The following DTNA variants were observed in gnomAD, a reference collection of about 807,000 sequenced individuals.
DTNA encodes the protein dystrophin-related protein 3.
In DTNA, 43 loss-of-function variants were observed where a neutral mutation model predicts 100.7. The ratio of observed to expected loss-of-function variants is 0.43; its 90% CI spans 0.33 to 0.55. DTNA has a LOEUF of 0.55. Ranked by LOEUF, DTNA falls within the 20% of genes least tolerant of loss-of-function variation. The probability of loss-of-function intolerance (pLI) is 0.04; values close to 1 mark genes in which losing one functional copy is unlikely to be tolerated. For synonymous variants in DTNA, 349 were observed against 347.9 expected (o/e 1.00, Z -0.04); for missense variants, 798 against 953.9 (o/e 0.84, Z 2.15).
At chr18:34,773,838 G>A (rs1259607292) in intron 3 of DTNA, among the ~76,000 whole-genome samples, 3 of 152,124 alleles carry the variant, frequency 2.0e-5, no homozygotes, top group African/African-American at 4.8e-5. Context: ...ATTATGATAT[G>A]GGTTTAATTA....
chr18:34,796,441 C>T (rs533130644), intron 4 of DTNA, among the ~76,000 whole-genome samples: 2 of 152,308 alleles, frequency 1.3e-5, no homozygotes, highest in South Asian at 4.1e-4. Flanking sequence ...CACTTCCTAC[C>T]ACCTGTCCCA....
In DTNA at chr18:34,891,411, G is replaced by A. The variant is rs1361941053; in HGVS notation, c.*3677G>A. 6.6e-6 allele frequency: 1 copy of A among 152,348 alleles called. No homozygotes were observed. Among genetic ancestry groups the A allele is most frequent in the Non-Finnish European group, 1.5e-5 (1 of 67,986 alleles). The allele number at this position is 152,348 out of a possible 1,614,324, so 9.4% of individuals were successfully genotyped here. On this transcript the variant is annotated 3_prime_UTR_variant, in exon 23 of 23. Transcript: ENST00000444659. ...TGTTTTTAAAAACACTATATCTTGGGTGGTTTATTCCTTTGTTTCAGTGAA... is the reference window on the plus strand; with the variant it reads ...TGTTTTTAAAAACACTATATCTTGGATGGTTTATTCCTTTGTTTCAGTGAA...
chr18:34,827,698 A>G, intron 10 of DTNA, 22 bp downstream of exon 10: 1 of 1,607,732 alleles, frequency 6.2e-7, no homozygotes, highest in African/African-American at 1.3e-5. Flanking sequence ...CCCTATTATA[A>G]AATAAGCCCT....
At chr18:34,617,711 T>C (rs2055600813) in intron 1 of DTNA, among the ~76,000 whole-genome samples, 1 of 152,228 alleles carries the variant, frequency 6.6e-6, no homozygotes, top group African/African-American at 2.4e-5. Context: ...CTGGCTCTTC[T>C]TTACATGTCT....
In DTNA at chr18:34,889,650, C is replaced by T. The variant is rs1004415215; in HGVS notation, c.*1916C>T. The T allele has an allele frequency of 2.0e-6, 2 of 985,632 alleles. No individual in the cohort carries two copies. The highest frequency in any genetic ancestry group is 1.2e-6 in the Non-Finnish European group (1 of 829,986). The allele number at this position is 985,632 out of a possible 1,614,324, so 61.1% of individuals were successfully genotyped here. A position where few individuals can be genotyped will look rare whatever the true frequency, so the allele number is the denominator to read the frequency against. On this transcript the variant is annotated 3_prime_UTR_variant, in exon 23 of 23. Coordinates refer to ENST00000444659, the MANE Select transcript of DTNA (RefSeq NM_001386795.1). ...GTCTGCGTTTGGTCAGACATCATCT[C>T]CTTGGCTGCCCTTTGAAACCAAATC... is the stretch of plus-strand genomic sequence containing the variant.
chr18:34,867,394 A>G, intron 17 of DTNA: 9 of 1,228,736 alleles, frequency 7.3e-6, no homozygotes, highest in Non-Finnish European at 9.1e-6. Flanking sequence ...TTTTAACAGA[A>G]GACAGTCCCC....
intron 1 of DTNA, among the ~76,000 whole-genome samples, chr18:34,558,498 C>T (rs139306842): frequency 9.8e-4 from 149 of 152,128 alleles, no homozygotes; most frequent in African/African-American, 3.5e-3. Flanking sequence ...CAGCCATAAA[C>T]AAAAATACGT....
chr18:34,840,064 G>C (rs1474238740), intron 13 of DTNA, among the ~76,000 whole-genome samples: 1 of 152,102 alleles, frequency 6.6e-6, no homozygotes, highest in Non-Finnish European at 1.5e-5. Flanking sequence ...ATTAATACAT[G>C]AGATAATTTT....
intron 2 of DTNA, among the ~76,000 whole-genome samples, chr18:34,764,080 G>A (rs1343618866): frequency 6.6e-6 from 1 of 152,142 alleles, no homozygotes; most frequent in East Asian, 1.9e-4. Flanking sequence ...GATCAAATAG[G>A]TTGAAGTTAC....
intron 1 of DTNA, among the ~76,000 whole-genome samples, chr18:34,498,533 A>G (rs529456901): frequency 4.0e-5 from 6 of 151,682 alleles, no homozygotes; most frequent in South Asian, 2.1e-4. Flanking sequence ...AGACTTATCA[A>G]TAACTGATGC....
chr18:34,779,252 C>T (rs1039706733), intron 3 of DTNA, among the ~76,000 whole-genome samples: 11 of 152,192 alleles, frequency 7.2e-5, no homozygotes, highest in African/African-American at 2.2e-4. Flanking sequence ...ACATCCTCCA[C>T]AGTGTCTAGC....
intron 1 of DTNA, among the ~76,000 whole-genome samples, chr18:34,494,333 C>T (rs552643029): frequency 2.3e-4 from 25 of 110,682 alleles, no homozygotes; most frequent in African/African-American, 6.9e-4. Context: ...GGGCCGATGC[C>T]TGGGTGGGAG....
chr18:34,749,137 A>G (rs2092021892), intron 1 of DTNA, among the ~76,000 whole-genome samples: 1 of 152,170 alleles, frequency 6.6e-6, no homozygotes, highest in Non-Finnish European at 1.5e-5. Flanking sequence ...GTTGGTGTAT[A>G]TCAATGCTAC....
intron 1 of DTNA, among the ~76,000 whole-genome samples, chr18:34,662,123 G>C (rs966410232): frequency 1.3e-5 from 2 of 148,412 alleles, no homozygotes; most frequent in Admixed American, 1.3e-4. Context: ...TTGTTGTTAA[G>C]AACCGGTTGT....
chr18:34,586,455 C>A (rs1300215946), intron 1 of DTNA, among the ~76,000 whole-genome samples: 1 of 151,914 alleles, frequency 6.6e-6, no homozygotes, highest in African/African-American at 2.4e-5. Context: ...ACCTTCCCAC[C>A]CTGTTATGAA....
At chr18:34,799,445 A>G (rs2095120933) in intron 4 of DTNA, among the ~76,000 whole-genome samples, 1 of 152,224 alleles carries the variant, frequency 6.6e-6, no homozygotes, top group South Asian at 2.1e-4. Context: ...CTCTGCACCA[A>G]AAAAAGTATT....
At chr18:34,691,810 A>G (rs2079809459) in intron 1 of DTNA, among the ~76,000 whole-genome samples, 1 of 152,162 alleles carries the variant, frequency 6.6e-6, no homozygotes, top group South Asian at 2.1e-4. Flanking sequence ...GCATGCACTC[A>G]TGTACTCTTA....
chr18:34,740,209 C>T (rs1448275372), intron 1 of DTNA, among the ~76,000 whole-genome samples: 1 of 152,064 alleles, frequency 6.6e-6, no homozygotes. Flanking sequence ...GTAGTTTAGA[C>T]TCATTAAGCC....
intron 1 of DTNA, among the ~76,000 whole-genome samples, chr18:34,715,810 G>C (rs544956063): frequency 6.6e-6 from 1 of 152,218 alleles, no homozygotes; most frequent in African/African-American, 2.4e-5. Context: ...ATATATGAAA[G>C]AGAAAAAGTG....
Sources: gnomAD v4.1 joint callset for allele counts (sites outside exome capture counted in the v4.1 genomes callset) on GRCh38, gnomAD v4.1.1 for gene constraint, MANE v1.5 for transcripts, NCBI Gene and HGNC (gene_info 2026-07-23, HGNC 2026-07-21) for gene names.